Variants in FBXL18 observed in about 807,000 individuals in gnomAD.
FBXL18 encodes F-box and leucine rich repeat protein 18, also known as F-box/LRR-repeat protein 18.
A neutral mutation model predicts 46.0 loss-of-function variants in FBXL18; 36 were observed. That is an observed-to-expected ratio of 0.78 (90% CI 0.60 to 1.03). The LOEUF (loss-of-function observed/expected upper bound fraction) is 1.03. FBXL18 is among the 50% of genes least tolerant of loss of function. The pLI, the probability that FBXL18 is intolerant of heterozygous loss-of-function variation, is 0.00. For synonymous variants in FBXL18, 557 were observed against 465.3 expected (o/e 1.20, Z -2.54); for missense variants, 977 against 1,004.1 (o/e 0.97, Z 0.36).
intron 2 of FBXL18, among the ~76,000 whole-genome samples, chr7:5,504,643 T>G (rs539359805): frequency 1.5e-5 from 2 of 137,130 alleles, no homozygotes; most frequent in Admixed American, 7.1e-5. Context: ...AGGCCGGGTG[T>G]GGTGGTTCAC....
chr7:5,476,268 G>T lies in FBXL18; in HGVS notation c.*5507C>A. ...CCCTCCCTCCACCCCAGACACATCA[G>T]CACAGCGGTCCAGGCTCTGGCTCAC... On this transcript the variant is annotated 3_prime_UTR_variant, in exon 5 of 5. Coordinates refer to ENST00000382368, the MANE Select transcript of FBXL18 (RefSeq NM_024963.6). The T allele has an allele frequency of 6.6e-6, 1 of 152,358 alleles. No individual in the cohort carries two copies. The highest frequency in any genetic ancestry group is 6.5e-5 in the Admixed American group (1 of 15,268). The allele number at this position is 152,358 out of a possible 1,614,324, so 9.4% of individuals were successfully genotyped here. A position where few individuals can be genotyped will look rare whatever the true frequency, so the allele number is the denominator to read the frequency against.
chr7:5,460,715 AG>A (rs1783231766), intron 4 of FBXL18, among the ~76,000 whole-genome samples: 2 of 152,142 alleles, frequency 1.3e-5, no homozygotes, highest in African/African-American at 2.4e-5. Context: ...GGCCTCCCAA[AG>A]CCCTGGGATT....
intron 4 of FBXL18, chr7:5,489,265 T>C (rs1783851777): frequency 3.9e-6 from 2 of 518,844 alleles, no homozygotes; most frequent in Non-Finnish European, 7.7e-6. Context: ...TACAAAACAA[T>C]ATGAGAACCC....
At chr7:5,474,412 G>A (rs527438910), downstream of FBXL18, among the ~76,000 whole-genome samples, 35 of 149,744 alleles carry the variant, frequency 2.3e-4, 1 homozygote, top group South Asian at 5.1e-3. Flanking sequence ...AGGCTCAAGC[G>A]ATCCTTCTGC....
chr7:5,460,382 C>T (rs1026012450), intron 4 of FBXL18, among the ~76,000 whole-genome samples: 1 of 152,200 alleles, frequency 6.6e-6, no homozygotes, highest in African/African-American at 2.4e-5. Flanking sequence ...GTTGAAGACA[C>T]AGAGATACCA....
chr7:5,459,385 C>T (rs1783213189), intron 4 of FBXL18, among the ~76,000 whole-genome samples: 1 of 151,926 alleles, frequency 6.6e-6, no homozygotes, highest in Non-Finnish European at 1.5e-5. Context: ...GGTGGATCAC[C>T]CGAGGTCAGG....
intron 4 of FBXL18, among the ~76,000 whole-genome samples, chr7:5,470,334 C>G (rs1286682222): frequency 1.3e-5 from 2 of 152,110 alleles, no homozygotes; most frequent in African/African-American, 4.8e-5. Context: ...CTCCCTACCC[C>G]TCACACATCC....
chr7:5,502,111 TC>T, intron 2 of FBXL18, 80 bp from the exon 3 acceptor site: 1 of 1,010,198 alleles, frequency 9.9e-7, no homozygotes. Flanking sequence ...GTGCGCACAC[TC>T]CCCCTTGCAG....
Position 5,502,836 on chromosome 7 carries a change from A to G in FBXL18, c.238-805T>C, listed in dbSNP as rs1454613276. Among the ~76,000 whole-genome samples, 7 of 148,410 alleles carry G rather than the reference A, an allele frequency of 4.7e-5. No homozygotes were observed. The South Asian group carries it at 8.4e-4, about 18-fold the overall frequency. ...AGCAAGACTCCATCTCAAAAAAGAA[A>G]AAAAAAAAAAAACGGTTTGGTGGTG... is the stretch of plus-strand genomic sequence containing the variant. On this transcript the variant is annotated intron_variant, in intron 2 of 4. Coordinates refer to ENST00000382368, the MANE Select transcript of FBXL18 (RefSeq NM_024963.6).
At chr7:5,462,470 T>C (rs1418552789) in intron 4 of FBXL18, among the ~76,000 whole-genome samples, 1 of 152,054 alleles carries the variant, frequency 6.6e-6, no homozygotes, top group Admixed American at 6.6e-5. Flanking sequence ...AGTCACTATG[T>C]CACAAGCCAT....
At chr7:5,461,131 G>C (rs995809002) in intron 4 of FBXL18, among the ~76,000 whole-genome samples, 1 of 152,216 alleles carries the variant, frequency 6.6e-6, no homozygotes, top group Non-Finnish European at 1.5e-5. Context: ...CGGGGTGGCA[G>C]GTGGCTGCAA....
chr7:5,463,729 T>TATATATATATA (rs1562672305), intron 4 of FBXL18, among the ~76,000 whole-genome samples: 24 of 10,046 alleles, frequency 2.4e-3, no homozygotes, highest in African/African-American at 4.9e-3. Flanking sequence ...TATTTATTTA[T>TATATATATATA]TTTTTTTTTT....
intron 4 of FBXL18, among the ~76,000 whole-genome samples, chr7:5,483,926 T>C (rs1783710196): frequency 6.6e-6 from 1 of 152,154 alleles, no homozygotes; most frequent in South Asian, 2.1e-4. Context: ...TGACCCTGCC[T>C]GAGGTGGTGC....
chr7:5,482,539 G>A (rs547293023), intron 4 of FBXL18, among the ~76,000 whole-genome samples: 1 of 85,140 alleles, frequency 1.2e-5, no homozygotes, highest in African/African-American at 4.7e-5. Flanking sequence ...CCCCCGCCAC[G>A]CTGTGCACGA....
chr7:5,465,263 T>C (rs1157021185), intron 4 of FBXL18, among the ~76,000 whole-genome samples: 6 of 151,526 alleles, frequency 4.0e-5, no homozygotes, highest in Admixed American at 3.9e-4. Context: ...TGCAGTGGCA[T>C]GATCTCAGCT....
intron 1 of FBXL18, among the ~76,000 whole-genome samples, chr7:5,512,098 A>T (rs909440056): frequency 1.3e-5 from 2 of 149,560 alleles, no homozygotes; most frequent in African/African-American, 4.9e-5. Flanking sequence ...CCAAAAAATT[A>T]GCTGGGCGTG....
chr7:5,495,372 T>A (rs1482733784), intron 3 of FBXL18, among the ~76,000 whole-genome samples: 2 of 152,188 alleles, frequency 1.3e-5, no homozygotes, highest in African/African-American at 2.4e-5. Flanking sequence ...GCTGCCCTGG[T>A]CACGCTCACA....
chr7:5,503,549 G>A (rs1784321335), intron 2 of FBXL18, among the ~76,000 whole-genome samples: 1 of 151,098 alleles, frequency 6.6e-6, no homozygotes, highest in African/African-American at 2.4e-5. Context: ...TTGTACAGAT[G>A]GAGTTTCACC....
At chr7:5,468,984 G>A (rs1216079588) in intron 4 of FBXL18, among the ~76,000 whole-genome samples, 2 of 90,676 alleles carry the variant, frequency 2.2e-5, no homozygotes, top group Non-Finnish European at 4.8e-5. Context: ...GTGTGTGAAT[G>A]TGTGTGTGAA....
Sources: allele counts gnomAD v4.1 joint callset (sites outside exome capture counted in the v4.1 genomes callset), GRCh38; gene constraint gnomAD v4.1.1; transcripts MANE v1.5; gene names NCBI Gene and HGNC (gene_info 2026-07-23, HGNC 2026-07-21).